Variants in MAST4 observed in about 807,000 individuals in gnomAD.
MAST4 encodes the protein microtubule-associated serine/threonine-protein kinase 4.
A neutral mutation model predicts 162.7 loss-of-function variants in MAST4; 89 were observed. The observed-to-expected ratio is 0.55, with a 90% CI of 0.46 to 0.65. The LOEUF (loss-of-function observed/expected upper bound fraction) is 0.65. Among genes scored for constraint, MAST4 ranks in the 30% least tolerant of loss-of-function variants. The probability of loss-of-function intolerance (pLI) is 0.00; values close to 1 mark genes in which losing one functional copy is unlikely to be tolerated. For missense variants in MAST4, 3,153 were observed against 3,374.0 expected (o/e 0.93, Z 1.62); for synonymous variants, 1,479 against 1,361.1 (o/e 1.09, Z -1.91).
chr5:67,077,960 G>A (rs577337790), intron 5 of MAST4, among the ~76,000 whole-genome samples: 47 of 152,186 alleles, frequency 3.1e-4, no homozygotes, highest in Non-Finnish European at 5.0e-4. Context: ...ATAGCTGGGC[G>A]TGGAGGTAGG....
At chr5:66,902,704 T>C in intron 4 of MAST4, 1 of 470,440 alleles carries the variant, frequency 2.1e-6, no homozygotes, top group South Asian at 1.6e-5. Context: ...GAGAAACTGC[T>C]TTCTAGGCAA....
chr5:66,696,623 T>C (rs980618907), intron 1 of MAST4, among the ~76,000 whole-genome samples: 1 of 152,208 alleles, frequency 6.6e-6, no homozygotes, highest in African/African-American at 2.4e-5. Context: ...GCTGCACACA[T>C]GCATTCATGG....
At chr5:66,973,458 C>A (rs1378874772) in intron 4 of MAST4, among the ~76,000 whole-genome samples, 2 of 152,124 alleles carry the variant, frequency 1.3e-5, no homozygotes, top group Admixed American at 6.5e-5. Flanking sequence ...TATCTGATGG[C>A]TTTGTCATCT....
intron 1 of MAST4, among the ~76,000 whole-genome samples, chr5:66,751,003 G>A (rs1293629623): frequency 6.6e-6 from 1 of 152,154 alleles, no homozygotes; most frequent in Non-Finnish European, 1.5e-5. Context: ...CCCCCAAGCA[G>A]CCTAACTGGG....
intron 4 of MAST4, among the ~76,000 whole-genome samples, chr5:67,048,122 CA>C (rs1757601007): frequency 6.6e-6 from 1 of 152,070 alleles, no homozygotes; most frequent in African/African-American, 2.4e-5. Flanking sequence ...ATTTTTCTTT[CA>C]AATATAGCCT....
In MAST4 at chr5:66,911,714, A is replaced by G. The variant is rs150408658; in HGVS notation, c.674+11732A>G. Among the ~76,000 whole-genome samples the G allele has an allele frequency of 2.0e-3, 304 of 152,184 alleles. 2 individuals carry two copies. Among genetic ancestry groups the G allele is most frequent in the African/African-American group, 7.1e-3 (296 of 41,538 alleles). On this transcript the variant is annotated intron_variant, in intron 4 of 28. Transcript: ENST00000403625. ...ATACCACTGCACTTTAGCCTGGGCA[A>G]CAGAGTGGTACCCTGTCTCTAAAAA...
At chr5:67,141,008 G>C (rs914104923) in intron 19 of MAST4, among the ~76,000 whole-genome samples, 2 of 152,186 alleles carry the variant, frequency 1.3e-5, no homozygotes, top group African/African-American at 4.8e-5. Flanking sequence ...TTTAGAGCTA[G>C]GGCTGACACT....
chr5:67,007,416 C>A (rs1223252781), intron 4 of MAST4, among the ~76,000 whole-genome samples: 1 of 152,212 alleles, frequency 6.6e-6, no homozygotes, highest in Non-Finnish European at 1.5e-5. Context: ...GTCAGATATG[C>A]CTTAACCCTT....
At chr5:66,922,565 T>C (rs1277538116) in intron 4 of MAST4, among the ~76,000 whole-genome samples, 1 of 152,152 alleles carries the variant, frequency 6.6e-6, no homozygotes, top group African/African-American at 2.4e-5. Context: ...CTGCTAAAAA[T>C]GACAAAAATT....
intron 6 of MAST4, among the ~76,000 whole-genome samples, chr5:67,094,595 T>C (rs962027822): frequency 6.6e-6 from 1 of 152,144 alleles, no homozygotes; most frequent in Non-Finnish European, 1.5e-5. Context: ...GCATAGAACA[T>C]TCAAAATGTT....
rs150458488 is a variant in MAST4 at position 67,015,627 on chromosome 5, C to T, written c.675-38777C>T. 9.0e-4 allele frequency among the ~76,000 whole-genome samples: 137 copies of T among 152,250 alleles called. 1 individual carries two copies. The highest frequency in any genetic ancestry group is 2.2e-3 in the African/African-American group (92 of 41,546). On this transcript the variant is annotated intron_variant, in intron 4 of 28. Transcript: ENST00000403625. The stretch of plus-strand genomic sequence containing the variant: ...ACTGGGAGGGAGTAGTTCCGAGTCC[C>T]GAAGGCTATATATCTCCACTTTCAG...
chr5:67,161,655 G>A (rs1773195836), intron 27 of MAST4, among the ~76,000 whole-genome samples: 1 of 152,164 alleles, frequency 6.6e-6, no homozygotes, highest in Admixed American at 6.5e-5. Context: ...ACTTCTTTGG[G>A]GAGTAGAGAA....
In MAST4 at chr5:66,752,765, G is replaced by T. The variant is rs1391099690; in HGVS notation, c.364-6944G>T. On this transcript the variant is annotated intron_variant, in intron 1 of 28. Coordinates refer to ENST00000403625, the MANE Select transcript of MAST4 (RefSeq NM_001164664.2). The stretch of plus-strand genomic sequence containing the variant: ...ACAGAAAGTCAACAAGGATACCCAG[G>T]AATTGAACTCAGCTCTGCACCAAGC... 9.1e-3 allele frequency among the ~76,000 whole-genome samples: 1,357 copies of T among 148,378 alleles called. 5 individuals carry two copies. The highest frequency in any genetic ancestry group is 0.046 in the South Asian group (209 of 4,590).
At chr5:67,014,648 A>G (rs1356541734) in intron 4 of MAST4, among the ~76,000 whole-genome samples, 1 of 152,184 alleles carries the variant, frequency 6.6e-6, no homozygotes, top group African/African-American at 2.4e-5. Flanking sequence ...AAGGATTTTT[A>G]AAGTGAAAAA....
At chr5:67,082,719 T>A (rs999993837) in intron 5 of MAST4, among the ~76,000 whole-genome samples, 1 of 152,202 alleles carries the variant, frequency 6.6e-6, no homozygotes, top group African/African-American at 2.4e-5. Flanking sequence ...CTTGGTCATA[T>A]GGCATATATA....
At chr5:67,029,371 T>C (rs1755044711) in intron 4 of MAST4, among the ~76,000 whole-genome samples, 1 of 152,156 alleles carries the variant, frequency 6.6e-6, no homozygotes. Flanking sequence ...TCCTTATACT[T>C]ATGTTTCCCA....
intron 4 of MAST4, among the ~76,000 whole-genome samples, chr5:66,957,483 C>A (rs924618943): frequency 7.2e-5 from 11 of 152,004 alleles, no homozygotes; most frequent in Admixed American, 3.9e-4. Flanking sequence ...TTTTGTGATG[C>A]TTTTTTCTAC....
chr5:66,911,552 A>C (rs1053478226), intron 4 of MAST4, among the ~76,000 whole-genome samples: 12 of 74,204 alleles, frequency 1.6e-4, no homozygotes, highest in Non-Finnish European at 1.9e-4. Flanking sequence ...CAAACAAACA[A>C]CAACAACCCC....
intron 3 of MAST4, among the ~76,000 whole-genome samples, chr5:66,795,987 T>C (rs765206356): frequency 9.2e-5 from 14 of 152,112 alleles, no homozygotes; most frequent in Non-Finnish European, 1.8e-4. Flanking sequence ...CTGTTTATAG[T>C]GAAGGGATGA....
Sources: gnomAD v4.1 joint callset for allele counts (sites outside exome capture counted in the v4.1 genomes callset) on GRCh38, gnomAD v4.1.1 for gene constraint, MANE v1.5 for transcripts, NCBI Gene and HGNC (gene_info 2026-07-23, HGNC 2026-07-21) for gene names.